Variants in MUC4 observed in about 807,000 individuals in gnomAD.
MUC4 encodes the protein mucin 4, cell surface associated.
A neutral mutation model predicts 257.9 loss-of-function variants in MUC4; 202 were observed. The ratio of observed to expected loss-of-function variants is 0.78; its 90% confidence interval spans 0.70 to 0.88. The LOEUF (loss-of-function observed/expected upper bound fraction) is 0.88, where lower values mean the gene tolerates loss of function less well. MUC4 is among the 40% of genes least tolerant of loss of function. The pLI is 0.00. For missense variants in MUC4, 5,976 were observed against 6,513.7 expected (o/e 0.92, Z 2.84); for synonymous variants, 2,351 against 2,757.1 (o/e 0.85, Z 4.62).
chr3:195,779,874 G>C lies in MUC4; in HGVS notation c.11706C>G (p.Ala3902=). The change falls in exon 2 of 25, where the codon GCC becomes GCG. Residue 3902 remains alanine (A), a synonymous_variant. Transcript: ENST00000463781. The part of the protein sequence containing the change: ...TDTSSASTRH[A]TPLPVTDTSS... ...AAGTGTCGGTGACAGGAAGAGGGGTGGCGTGACGTGTGGATGCTGAGGAAG... is the reference window on the plus strand; with the variant it reads ...AAGTGTCGGTGACAGGAAGAGGGGTCGCGTGACGTGTGGATGCTGAGGAAG... The C allele has an allele frequency of 1.3e-6, 1 of 782,164 alleles. No individual in the cohort carries two copies. The highest frequency in any genetic ancestry group is 1.8e-6 in the Non-Finnish European group (1 of 552,754). The allele number at this position is 782,164 out of a possible 1,614,324, so 48.5% of individuals were successfully genotyped here.
intron 1 of MUC4, among the ~76,000 whole-genome samples, chr3:195,806,644 G>C (rs1004234988): frequency 1.3e-5 from 2 of 152,208 alleles, no homozygotes; most frequent in African/African-American, 4.8e-5. Context: ...TCTCAGCAGG[G>C]TGTGTGAATG....
In MUC4 at chr3:195,765,019, G is replaced by A. The variant is rs369412068; in HGVS notation, c.13902C>T (p.His4634=). The A allele has an allele frequency of 2.7e-5, 44 of 1,613,890 alleles. No homozygotes were observed. The highest frequency in any genetic ancestry group is 3.3e-4 in the Middle Eastern group (2 of 6,062). ...GPWGEFREGW[H]VQRPWQLAQE... ...CACCCAACTGCCAAGGACGCTGCAC[G>A]TGCCAGCCTTCACGAAACTCTCCCC... The change falls in exon 10 of 25, where the codon CAC becomes CAT. Residue 4634 remains histidine (H), a synonymous_variant. Transcript: ENST00000463781.
At chr3:195,767,549 TCACCATTAC>T (rs1721073858) in intron 7 of MUC4, among the ~76,000 whole-genome samples, 1 of 72,546 alleles carries the variant, frequency 1.4e-5, no homozygotes, top group African/African-American at 7.4e-5. Context: ...ATCATCACCA[TCACCATTAC>T]CATTGCCACC....
chr3:195,767,573 TCACCAC>T (rs1220315937), intron 7 of MUC4, among the ~76,000 whole-genome samples: 3 of 61,960 alleles, frequency 4.8e-5, no homozygotes, highest in South Asian at 4.7e-4. Flanking sequence ...GCCACCACCA[TCACCAC>T]CACCATCACC....
In MUC4 at chr3:195,757,335, C is replaced by CG. The variant is rs748959469; in HGVS notation, c.14987-8dup. 2 of 1,585,780 alleles carry CG rather than the reference C, an allele frequency of 1.3e-6. No homozygotes were observed. The highest frequency in any genetic ancestry group is 1.7e-6 in the Non-Finnish European group (2 of 1,157,542). On this transcript the variant is annotated splice_region_variant and splice_polypyrimidine_tract_variant and intron_variant, in intron 17 of 24. Coordinates refer to ENST00000463781, the MANE Select transcript of MUC4 (RefSeq NM_018406.7). This position sits in a 1 kb window ranked among gnomAD's most constrained non-coding sequence, Gnocchi z 4.8. ...CACAGCAACGTCCCATTCTCTGCCC[C>CG]GGGGAAGATGAGAATGTTGAGAGCT... is the stretch of plus-strand genomic sequence containing the variant.
chr3:195,765,291 G>GT lies in MUC4; in HGVS notation c.13776dup (p.Arg4593ThrfsTer15). ...TCACCTATGCTGACGGGTTGGAATC[G>GT]TAAGTCCCGTCGTCCCTGCTGCCAG... On this transcript the variant is annotated frameshift_variant, in exon 9 of 25. Coordinates refer to ENST00000463781, the MANE Select transcript of MUC4 (RefSeq NM_018406.7). LOFTEE classifies it high-confidence loss of function. The GT allele has an allele frequency of 1.9e-6, 3 of 1,613,020 alleles. No individual in the cohort carries two copies. The highest frequency in any genetic ancestry group is 3.3e-4 in the Middle Eastern group (2 of 5,978).
At position 195,772,743 on chromosome 3, in the gene MUC4, C is replaced by A. The variant is rs550243090; in HGVS notation, c.13078-927G>T. 3.1e-3 allele frequency among the ~76,000 whole-genome samples: 452 copies of A among 146,484 alleles called. 1 individual carries two copies. The highest frequency in any genetic ancestry group is 0.011 in the African/African-American group (423 of 38,950). On this transcript the variant is annotated intron_variant, in intron 4 of 24. Transcript: ENST00000463781. ...AGGGGTGTAGACATCCTCTCTCCATCGCTCAGGGGTGTAGACACCCCCTCT... is the reference window on the plus strand; with the variant it reads ...AGGGGTGTAGACATCCTCTCTCCATAGCTCAGGGGTGTAGACACCCCCTCT...
rs758363057 is a variant in MUC4 at position 195,769,091 on chromosome 3, T to C, written c.13460A>G (p.Tyr4487Cys). Residue 4487 changes from tyrosine to cysteine, a missense_variant, in exon 7 of 25, where the codon TAC becomes TGC. Transcript: ENST00000463781. ...GTCCCACTGCATCCCACCGCTCTGGTAGAGAAACAGGGCATAGGACCTGCT... is the reference window on the plus strand; with the variant it reads ...GTCCCACTGCATCCCACCGCTCTGGCAGAGAAACAGGGCATAGGACCTGCT... Reference protein sequence around the residue: ...DGSRSYALFLYQSGGMQWDVA... With the variant: ...DGSRSYALFLCQSGGMQWDVA... The C allele has an allele frequency of 6.2e-7, 1 of 1,613,944 alleles. No homozygotes were observed. The highest frequency in any genetic ancestry group is 8.5e-7 in the Non-Finnish European group (1 of 1,180,012).
chr3:195,759,686 G>A (rs1281834494), intron 16 of MUC4, among the ~76,000 whole-genome samples: 6 of 152,160 alleles, frequency 3.9e-5, no homozygotes, highest in South Asian at 2.1e-4. Flanking sequence ...TTGGGAGGCC[G>A]AGGCCGGTGG....
In MUC4 at chr3:195,764,867, AACGTT is replaced by A. The variant is rs1720083234; in HGVS notation, c.13924+125_13924+129del. Reference sequence around the variant, plus strand: ...CTGGTGGGGATGTTGGAAGCTTCCTAACGTTACCCGATCAGGAAGTGGAGGCCCAG... The same window carrying A: ...CTGGTGGGGATGTTGGAAGCTTCCTAACCCGATCAGGAAGTGGAGGCCCAG... On this transcript the variant is annotated intron_variant, in intron 10 of 24. Coordinates refer to ENST00000463781, the MANE Select transcript of MUC4 (RefSeq NM_018406.7). The A allele has an allele frequency of 1.3e-5, 17 of 1,340,660 alleles. No individual in the cohort carries two copies. The East Asian group carries it at 4.0e-4, about 31-fold the overall frequency. The allele number at this position is 1,340,660 out of a possible 1,614,324, so 83.0% of individuals were successfully genotyped here. A position where few individuals can be genotyped will look rare whatever the true frequency, so the allele number is the denominator to read the frequency against.
intron 3 of MUC4, among the ~76,000 whole-genome samples, chr3:195,775,141 C>A (rs1724069136): frequency 1.3e-5 from 2 of 152,082 alleles, no homozygotes; most frequent in Admixed American, 6.5e-5. Flanking sequence ...GCTTGGAAAC[C>A]CGCAGGCTCT....
chr3:195,770,282 C>T lies in MUC4; in HGVS notation c.13332G>A (p.Lys4444=). The T allele has an allele frequency of 6.2e-7, 1 of 1,614,072 alleles. No homozygotes were observed. Among genetic ancestry groups the T allele is most frequent in the Non-Finnish European group, 8.5e-7 (1 of 1,179,988 alleles). Residue 4444 remains lysine (K), a synonymous_variant, in exon 6 of 25, where the codon AAG becomes AAA. Coordinates refer to ENST00000463781, the MANE Select transcript of MUC4 (RefSeq NM_018406.7). The part of the protein sequence containing the change: ...IRKMTNNGGY[K]ARWALKVTWV... ...ACGTGACCTTTAGGGCCCACCTGGC[C>T]TTGTAGCCCCCGTTGTTTGTCATCT...
rs1297761954 is a variant in MUC4, at chr3:195,791,091, G to T, written c.489C>A (p.Thr163=). The change falls in exon 2 of 25, where the codon ACC becomes ACA. Residue 163 remains threonine (T), a synonymous_variant. Transcript: ENST00000463781. The part of the protein sequence containing the change: ...ETSTAGTESS[T]PVTSAVSITA... The stretch of plus-strand genomic sequence containing the variant: ...TTATTGAGACTGCTGAGGTCACTGG[G>T]GTAGAACTTTCAGTTCCTGCTGTTG... 1 of 1,613,166 alleles carries T rather than the reference G, an allele frequency of 6.2e-7. No individual in the cohort carries two copies. Among genetic ancestry groups the T allele is most frequent in the African/African-American group, 1.3e-5 (1 of 74,634 alleles).
intron 13 of MUC4, 52 bp from the exon 14 acceptor site, chr3:195,762,306 C>G: frequency 6.6e-7 from 1 of 1,513,484 alleles, no homozygotes; most frequent in Non-Finnish European, 8.9e-7. Context: ...CCACGGCCCG[C>G]ACCAAACCCG....
chr3:195,761,221 G>T, intron 15 of MUC4, 104 bp from the exon 16 acceptor site: 1 of 1,102,798 alleles, frequency 9.1e-7, no homozygotes, highest in South Asian at 1.4e-5. Context: ...GGGGCGGTGG[G>T]AGTGCAGGGC....
rs199528786 is a variant in MUC4, at chr3:195,789,532, G to A, written c.2048C>T (p.Pro683Leu). 1.2e-4 allele frequency: 194 copies of A among 1,613,812 alleles called. No individual in the cohort carries two copies. Among genetic ancestry groups the A allele is most frequent in the Middle Eastern group, 9.9e-4 (6 of 6,084 alleles). ...ASGHSPSEIV[P>L]QDAPTISAAT... ...TGCACTTATGGTGGGTGCGTCCTGA[G>A]GAACAATTTCTGAGGGCGAGTGCCC... is the stretch of plus-strand genomic sequence containing the variant. The change falls in exon 2 of 25, where the codon CCT (proline) becomes CTT (leucine). Residue 683 changes from proline to leucine, a missense_variant. Coordinates refer to ENST00000463781, the MANE Select transcript of MUC4 (RefSeq NM_018406.7).
At chr3:195,775,577 A>T (rs1578148629) in intron 3 of MUC4, among the ~76,000 whole-genome samples, 11 of 121,942 alleles carry the variant, frequency 9.0e-5, no homozygotes, top group East Asian at 2.7e-4. Context: ...TTCCACACCC[A>T]TACCTTCCAC....
rs771747501 is a variant in MUC4, at chr3:195,764,993, G to A, written c.13924+4C>T. ...GGTGGGGTTGAGATCACGGACTCAC[G>A]CACCCAACTGCCAAGGACGCTGCAC... On this transcript the variant is annotated splice_donor_region_variant and intron_variant, in intron 10 of 24. Coordinates refer to ENST00000463781, the MANE Select transcript of MUC4 (RefSeq NM_018406.7). 1.1e-5 allele frequency: 17 copies of A among 1,613,170 alleles called. No homozygotes were observed. The highest frequency in any genetic ancestry group is 4.4e-5 in the South Asian group (4 of 91,018).
In MUC4 at chr3:195,763,347, GCT is replaced by G. The variant is rs1719660576; in HGVS notation, c.14253+84_14253+85del. On this transcript the variant is annotated intron_variant, in intron 12 of 24. Coordinates refer to ENST00000463781, the MANE Select transcript of MUC4 (RefSeq NM_018406.7). ...CCTCCTGCCCGGCTTCCCCTCCTTC[GCT>G]CTCTTCCTTCTCCTCGGCCTCAGTA... The G allele has an allele frequency of 1.9e-5, 24 of 1,295,928 alleles. No homozygotes were observed. The East Asian group carries it at 7.1e-4, about 38-fold the overall frequency. The allele number at this position is 1,295,928 out of a possible 1,614,324, so 80.3% of individuals were successfully genotyped here.
Sources: gnomAD v4.1 joint callset for allele counts (sites outside exome capture counted in the v4.1 genomes callset) on GRCh38, gnomAD v4.1.1 for gene constraint, Gnocchi (gnomAD v3.1) non-coding constraint, MANE v1.5 for transcripts, NCBI Gene and HGNC (gene_info 2026-07-23, HGNC 2026-07-21) for gene names.